Variants in ATG7 observed in about 807,000 individuals in gnomAD.
ATG7 encodes ubiquitin-like modifier-activating enzyme ATG7.
Under a neutral mutation model 82.4 loss-of-function variants are expected in ATG7, and 70 were observed. The ratio of observed to expected loss-of-function variants is 0.85; its 90% CI spans 0.70 to 1.04. The LOEUF is 1.04. Among genes scored for constraint, ATG7 ranks in the 50% least tolerant of loss-of-function variants. The probability of loss-of-function intolerance (pLI) is 0.00; values close to 1 mark genes in which losing one functional copy is unlikely to be tolerated. For missense variants in ATG7, 792 were observed against 864.3 expected (o/e 0.92, Z 1.05); for synonymous variants, 287 against 313.0 (o/e 0.92, Z 0.88).
intron 19 of ATG7, among the ~76,000 whole-genome samples, chr3:11,396,830 A>T (rs1359309378): frequency 6.6e-6 from 1 of 151,294 alleles, no homozygotes; most frequent in Non-Finnish European, 1.5e-5. Context: ...AACTTGGAGG[A>T]GGTAGGTGAT....
chr3:11,571,183 T>C, the ATG7 span, among the ~76,000 whole-genome samples: 1 of 152,138 alleles, frequency 6.6e-6, no homozygotes, highest in Non-Finnish European at 1.5e-5. Context: ...CTGGCTTCAA[T>C]AGCGGGGTCC....
At chr3:11,461,716 A>G (rs759703023) in intron 20 of ATG7, among the ~76,000 whole-genome samples, 2 of 152,108 alleles carry the variant, frequency 1.3e-5, no homozygotes, top group Non-Finnish European at 2.9e-5. Flanking sequence ...GTCTTATCCA[A>G]TGTTCTCATT....
At chr3:11,445,033 A>G (rs1321151917) in intron 20 of ATG7, among the ~76,000 whole-genome samples, 2 of 152,358 alleles carry the variant, frequency 1.3e-5, no homozygotes, top group Non-Finnish European at 2.9e-5. Flanking sequence ...CAGAACGGCT[A>G]TTATGAAAAA....
At position 11,423,643 on chromosome 3, in the gene ATG7, C is replaced by T. The variant is rs553422695; in HGVS notation, c.1957-3161C>T. ...CCTTTTTTTTTTCCAGGGGGTTAGG[C>T]TGTCAAATTAATTTCCCATGGCTAA... is the stretch of plus-strand genomic sequence containing the variant. On this transcript the variant is annotated intron_variant, in intron 19 of 20. Transcript: ENST00000693202. Among the ~76,000 whole-genome samples the T allele has an allele frequency of 1.5e-4, 23 of 151,976 alleles. No individual in the cohort carries two copies. In the South Asian group the frequency reaches 3.5e-3, roughly 23 times the overall value.
At chr3:11,454,409 A>T (rs2085496542) in intron 20 of ATG7, among the ~76,000 whole-genome samples, 1 of 152,190 alleles carries the variant, frequency 6.6e-6, no homozygotes, top group Non-Finnish European at 1.5e-5. Flanking sequence ...AGAGGCTGCG[A>T]TTAGAATTTG....
chr3:11,314,999 C>T (rs923405144), intron 8 of ATG7, among the ~76,000 whole-genome samples: 11 of 152,046 alleles, frequency 7.2e-5, no homozygotes, highest in Non-Finnish European at 1.2e-4. Flanking sequence ...TGGAAAGGTT[C>T]GGGGTAAAAT....
intron 20 of ATG7, among the ~76,000 whole-genome samples, chr3:11,436,055 T>G (rs2083342858): frequency 6.6e-6 from 1 of 152,024 alleles, no homozygotes; most frequent in African/African-American, 2.4e-5. Context: ...GGCAGCACAG[T>G]GAGAACCCAT....
intron 9 of ATG7, among the ~76,000 whole-genome samples, chr3:11,329,736 G>C (rs1401067377): frequency 6.6e-6 from 1 of 152,200 alleles, no homozygotes; most frequent in Non-Finnish European, 1.5e-5. Flanking sequence ...CCCAGTTTCA[G>C]TTTTTTCTAA....
At chr3:11,522,006 A>G (rs908496210) in intron 20 of ATG7, among the ~76,000 whole-genome samples, 2 of 152,150 alleles carry the variant, frequency 1.3e-5, no homozygotes, top group African/African-American at 4.8e-5. Context: ...CGTAGCTACC[A>G]TTGTTATCTG....
At chr3:11,376,057 CAT>C (rs1386406143) in intron 18 of ATG7, among the ~76,000 whole-genome samples, 1 of 152,192 alleles carries the variant, frequency 6.6e-6, no homozygotes, top group Non-Finnish European at 1.5e-5. Context: ...GAAATGCTGA[CAT>C]GTGATACAAT....
the ATG7 span, among the ~76,000 whole-genome samples, chr3:11,573,498 G>A: frequency 4.4e-3 from 666 of 152,168 alleles, 4 homozygotes; most frequent in African/African-American, 0.015. Context: ...ATCCACCTTC[G>A]ACTTCAACAC....
chr3:11,420,748 AAAT>A (rs2081861173), intron 19 of ATG7, among the ~76,000 whole-genome samples: 1 of 150,986 alleles, frequency 6.6e-6, no homozygotes, highest in African/African-American at 2.5e-5. Flanking sequence ...AAGTAATACA[AAAT>A]ACTTTTTTTT....
chr3:11,536,457 G>A (rs2070304911), intron 20 of ATG7, among the ~76,000 whole-genome samples: 1 of 152,164 alleles, frequency 6.6e-6, no homozygotes, highest in African/African-American at 2.4e-5. Context: ...CTTTTGTTTT[G>A]TCCTGGGACA....
intron 1 of ATG7, among the ~76,000 whole-genome samples, chr3:11,274,704 G>C (rs1380485726): frequency 1.3e-5 from 2 of 152,102 alleles, no homozygotes; most frequent in Non-Finnish European, 2.9e-5. Flanking sequence ...AACTAGTTTT[G>C]TGACCCTGGG....
intron 19 of ATG7, among the ~76,000 whole-genome samples, chr3:11,380,919 C>A (rs1408433109): frequency 6.6e-6 from 1 of 152,300 alleles, no homozygotes; most frequent in Admixed American, 6.5e-5. Flanking sequence ...TTTCTCTATT[C>A]TGAGTTGACA....
At chr3:11,467,576 A>G (rs1312707048) in intron 20 of ATG7, among the ~76,000 whole-genome samples, 1 of 152,046 alleles carries the variant, frequency 6.6e-6, no homozygotes, top group Non-Finnish European at 1.5e-5. Flanking sequence ...GGGTTTCACC[A>G]TGTTCGCCAG....
chr3:11,476,847 A>C (rs2153025442), intron 20 of ATG7, among the ~76,000 whole-genome samples: 1 of 152,354 alleles, frequency 6.6e-6, no homozygotes, highest in Middle Eastern at 3.4e-3. Flanking sequence ...ACTTTTGATC[A>C]AAACATGACT....
intron 20 of ATG7, among the ~76,000 whole-genome samples, chr3:11,490,021 C>T (rs1193711675): frequency 2.0e-5 from 3 of 151,960 alleles, no homozygotes; most frequent in Non-Finnish European, 2.9e-5. Flanking sequence ...AGTTCAATTC[C>T]TGGGTATCCT....
intron 20 of ATG7, among the ~76,000 whole-genome samples, chr3:11,455,552 TC>T: frequency 6.6e-6 from 1 of 152,300 alleles, no homozygotes; most frequent in East Asian, 1.9e-4. Flanking sequence ...TCCGGTGACA[TC>T]CATTTTTCCT....
Sources: allele counts gnomAD v4.1 joint callset (sites outside exome capture counted in the v4.1 genomes callset), GRCh38; gene constraint gnomAD v4.1.1; transcripts MANE v1.5; gene names NCBI Gene and HGNC (gene_info 2026-07-23, HGNC 2026-07-21).